The following DOCK4 variants were observed in gnomAD, a reference collection of about 807,000 sequenced individuals.
DOCK4 encodes dedicator of cytokinesis 4.
A neutral mutation model predicts 268.1 loss-of-function variants in DOCK4; 97 were observed. The ratio of observed to expected loss-of-function variants is 0.36; its 90% CI spans 0.31 to 0.43. DOCK4 has a LOEUF of 0.43. Ranked by LOEUF, DOCK4 falls within the 20% of genes least tolerant of loss-of-function variation. DOCK4 has a pLI of 1.00. For synonymous variants in DOCK4, 954 were observed against 887.2 expected, an observed-to-expected ratio of 1.08 and a Z score of -1.34; for missense variants, 2,145 against 2,455.7, an observed-to-expected ratio of 0.87 and a Z score of 2.67.
chr7:111,991,562 C>T (rs1248798798), intron 5 of DOCK4, among the ~76,000 whole-genome samples: 9 of 151,972 alleles, frequency 5.9e-5, no homozygotes, highest in Non-Finnish European at 8.8e-5. Context: ...CTTTTATTTG[C>T]CTTAAAATGA....
At chr7:112,091,770 G>A (rs999747525) in intron 1 of DOCK4, among the ~76,000 whole-genome samples, 3 of 152,150 alleles carry the variant, frequency 2.0e-5, no homozygotes, top group African/African-American at 7.2e-5. Context: ...GTGTCCTCCT[G>A]AGATTTGAAA....
chr7:111,977,351 T>A, intron 7 of DOCK4, 68 bp from the exon 8 acceptor site: 1 of 1,519,876 alleles, frequency 6.6e-7, no homozygotes, highest in Non-Finnish European at 8.9e-7. Flanking sequence ...CCCAACAAAC[T>A]AGTTAGCTAT....
chr7:111,841,581 A>G (rs1181623537), intron 25 of DOCK4, among the ~76,000 whole-genome samples: 1 of 152,194 alleles, frequency 6.6e-6, no homozygotes, highest in Non-Finnish European at 1.5e-5. Context: ...TCTTAAAAAA[A>G]AAAGTCTTAA....
At chr7:111,997,790 G>T (rs1345085305) in intron 4 of DOCK4, among the ~76,000 whole-genome samples, 1 of 152,134 alleles carries the variant, frequency 6.6e-6, no homozygotes, top group Non-Finnish European at 1.5e-5. Flanking sequence ...CCCTTATGAT[G>T]AATGATCTGC....
At chr7:111,960,126 G>T (rs1796751684) in intron 8 of DOCK4, among the ~76,000 whole-genome samples, 1 of 151,926 alleles carries the variant, frequency 6.6e-6, no homozygotes, top group South Asian at 2.1e-4. Context: ...AGCACTTTCG[G>T]AGGCTGAGGT....
intron 1 of DOCK4, among the ~76,000 whole-genome samples, chr7:112,204,032 CCT>C (rs541335510): frequency 9.4e-4 from 143 of 152,284 alleles, no homozygotes; most frequent in Non-Finnish European, 1.7e-3. Flanking sequence ...TCTCATTCAA[CCT>C]CTTTTTCTCA....
chr7:111,747,221 G>A, intron 43 of DOCK4, 46 bp downstream of exon 43: 1 of 1,569,460 alleles, frequency 6.4e-7, no homozygotes. Flanking sequence ...ACCCTAAGAA[G>A]TCACAATTGA....
chr7:111,788,889 G>C, intron 31 of DOCK4, 142 bp from the exon 32 acceptor site: 1 of 721,814 alleles, frequency 1.4e-6, no homozygotes, highest in East Asian at 2.7e-5. Context: ...GTTAATAGCA[G>C]GCAACCCTTT....
chr7:111,892,540 G>T (rs1006496241), intron 16 of DOCK4, among the ~76,000 whole-genome samples: 1 of 152,082 alleles, frequency 6.6e-6, no homozygotes, highest in Non-Finnish European at 1.5e-5. Context: ...ATGTGTTTTC[G>T]CAATAAGAGG....
At chr7:112,170,752 A>C (rs1416307126) in intron 1 of DOCK4, among the ~76,000 whole-genome samples, 1 of 152,200 alleles carries the variant, frequency 6.6e-6, no homozygotes, top group East Asian at 1.9e-4. Context: ...AATCTAAGAA[A>C]TTTTAAAGCC....
chr7:111,981,211 G>A (rs1235814333), intron 7 of DOCK4, among the ~76,000 whole-genome samples: 1 of 152,202 alleles, frequency 6.6e-6, no homozygotes, highest in East Asian at 1.9e-4. Flanking sequence ...TAACCTCCAT[G>A]CTGAGGTCCT....
At chr7:112,095,705 A>C (rs1165215061) in intron 1 of DOCK4, among the ~76,000 whole-genome samples, 1 of 152,148 alleles carries the variant, frequency 6.6e-6, no homozygotes, top group Non-Finnish European at 1.5e-5. Flanking sequence ...ATTTCAGTAA[A>C]TCCCCTTAAG....
At chr7:111,961,739 T>C (rs1796913828) in intron 8 of DOCK4, among the ~76,000 whole-genome samples, 1 of 152,198 alleles carries the variant, frequency 6.6e-6, no homozygotes, top group South Asian at 2.1e-4. Flanking sequence ...AAAACATTCC[T>C]CTTAAGTTTT....
chr7:112,106,709 T>C (rs1404271285), intron 1 of DOCK4, among the ~76,000 whole-genome samples: 2 of 152,222 alleles, frequency 1.3e-5, no homozygotes, highest in Non-Finnish European at 2.9e-5. Context: ...GCTTGTTACA[T>C]CCAAGCTTTA....
In DOCK4 at chr7:112,049,387, GACTT is replaced by G. The variant is rs373933013; in HGVS notation, c.38-45260_38-45257del. Among the ~76,000 whole-genome samples, 414 of 152,082 alleles carry G rather than the reference GACTT, an allele frequency of 2.7e-3. 2 individuals are homozygous for G. The highest frequency in any genetic ancestry group is 9.0e-3 in the African/African-American group (374 of 41,498). ...CTTTAAGTAATCATTAAATAAAAGA[GACTT>G]ACAGTTGATAAGCGAAGAGAGGAAA... On this transcript the variant is annotated intron_variant, in intron 1 of 52. Transcript: ENST00000428084.
At chr7:111,754,540 AAC>A (rs1796897123) in intron 42 of DOCK4, among the ~76,000 whole-genome samples, 2 of 152,230 alleles carry the variant, frequency 1.3e-5, no homozygotes, top group African/African-American at 4.8e-5. Context: ...CTCAAAAACA[AAC>A]ACATTATTAT....
intron 12 of DOCK4, among the ~76,000 whole-genome samples, chr7:111,934,291 T>C (rs1336019716): frequency 6.6e-6 from 1 of 152,206 alleles, no homozygotes. Flanking sequence ...TGCTATATAA[T>C]GTAGTATATA....
chr7:111,925,583 C>T (rs1047833350), intron 12 of DOCK4, among the ~76,000 whole-genome samples: 1 of 152,068 alleles, frequency 6.6e-6, no homozygotes, highest in African/African-American at 2.4e-5. Context: ...TTACCAGAGG[C>T]CTGCTTAACA....
chr7:112,083,549 G>T (rs989879429), intron 1 of DOCK4, among the ~76,000 whole-genome samples: 3 of 151,868 alleles, frequency 2.0e-5, no homozygotes, highest in African/African-American at 7.3e-5. Context: ...GGAACAAAAT[G>T]ATTAAGGTAA....
Sources: gnomAD v4.1 joint callset for allele counts (sites outside exome capture counted in the v4.1 genomes callset) on GRCh38, gnomAD v4.1.1 for gene constraint, MANE v1.5 for transcripts, NCBI Gene and HGNC (gene_info 2026-07-23, HGNC 2026-07-21) for gene names.